The following ABCC9 variants were observed in gnomAD, a reference collection of about 807,000 sequenced individuals.
The protein encoded by ABCC9 is ATP binding cassette subfamily C member 9, also known as ATP-binding cassette sub-family C member 9.
A neutral mutation model predicts 188.3 loss-of-function variants in ABCC9; 95 were observed. The observed-to-expected ratio is 0.50, with a 90% CI of 0.43 to 0.60. ABCC9 has a LOEUF of 0.60. Ranked by LOEUF, ABCC9 falls within the 20% of genes least tolerant of loss-of-function variation. The probability of loss-of-function intolerance (pLI) is 0.00; values close to 1 mark genes in which losing one functional copy is unlikely to be tolerated. For synonymous variants in ABCC9, 659 were observed against 652.7 expected, an observed-to-expected ratio of 1.01 and a Z score of -0.15; for missense variants, 1,102 against 1,876.3, an observed-to-expected ratio of 0.59 and a Z score of 7.62.
Position 21,869,818 on chromosome 12 carries a change from A to G in ABCC9, c.2198+2807T>C, listed in dbSNP as rs1326557916. ...GACTTGTCTTGTCTTGTTCAATTCT[A>G]TATCCTTGATACCTAAATCAGTGTT... On this transcript the variant is annotated intron_variant, in intron 18 of 39. Transcript: ENST00000261200. Among the ~76,000 whole-genome samples, 6 of 152,314 alleles carry G rather than the reference A, an allele frequency of 3.9e-5. No homozygotes were observed. In the South Asian group the frequency reaches 1.0e-3, roughly 26 times the overall value.
chr12:21,916,510 AG>A lies in ABCC9; in HGVS notation c.573+426del, dbSNP rs530807407. 5.0e-4 allele frequency among the ~76,000 whole-genome samples: 76 copies of A among 152,322 alleles called. No individual in the cohort carries two copies. In the East Asian group the frequency reaches 0.01, roughly 20 times the overall value. The stretch of plus-strand genomic sequence containing the variant: ...CATATTACTTTGGATATATAGCCAA[AG>A]CTATCTCTACATGTTTCTTCATCAG... On this transcript the variant is annotated intron_variant, in intron 6 of 39. Coordinates refer to ENST00000261200, the MANE Select transcript of ABCC9 (RefSeq NM_020297.4).
intron 21 of ABCC9, among the ~76,000 whole-genome samples, chr12:21,859,918 A>G (rs1031583540): frequency 6.6e-5 from 10 of 152,180 alleles, no homozygotes; most frequent in African/African-American, 2.2e-4. Context: ...GCTGTACAGA[A>G]GCATTAATAA....
intron 23 of ABCC9, 33 bp downstream of exon 23, chr12:21,852,335 A>C (rs764524937): frequency 6.2e-7 from 1 of 1,613,558 alleles, no homozygotes; most frequent in Non-Finnish European, 8.5e-7. Context: ...ACTATAATAT[A>C]AAAATGAGCA....
chr12:21,838,607 T>C (rs778073944), intron 29 of ABCC9, among the ~76,000 whole-genome samples: 19 of 152,120 alleles, frequency 1.2e-4, no homozygotes, highest in Non-Finnish European at 2.6e-4. Context: ...GCAAGTTCAA[T>C]CTGTCTGGTG....
chr12:21,898,007 A>G lies in ABCC9; in HGVS notation c.1619-2692T>C, dbSNP rs375039645. 1.7e-3 allele frequency among the ~76,000 whole-genome samples: 253 copies of G among 152,298 alleles called. 3 individuals carry two copies. In the South Asian group the frequency reaches 0.033, roughly 20 times the overall value. On this transcript the variant is annotated intron_variant, in intron 12 of 39. Coordinates refer to ENST00000261200, the MANE Select transcript of ABCC9 (RefSeq NM_020297.4). ...ATCTTTTAATTCTAAAGTGGAGTTAATAATAAAATCTAGGCCAGGCATTGT... is the reference window on the plus strand; with the variant it reads ...ATCTTTTAATTCTAAAGTGGAGTTAGTAATAAAATCTAGGCCAGGCATTGT...
intron 12 of ABCC9, among the ~76,000 whole-genome samples, chr12:21,900,972 C>T (rs1470916088): frequency 2.0e-5 from 3 of 151,998 alleles, no homozygotes; most frequent in African/African-American, 7.2e-5. Flanking sequence ...AGATAATCCT[C>T]GAGAAGAGCA....
chr12:21,867,453 T>C (rs564661402), intron 18 of ABCC9, among the ~76,000 whole-genome samples: 42 of 152,316 alleles, frequency 2.8e-4, no homozygotes, highest in African/African-American at 9.9e-4. Flanking sequence ...AGAATTTGTG[T>C]GTATTTTCCT....
chr12:21,827,011 T>C, intron 31 of ABCC9: 1 of 522,210 alleles, frequency 1.9e-6, no homozygotes, highest in Non-Finnish European at 2.5e-6. Flanking sequence ...TGGCCTGTTC[T>C]GCCCTTCCTG....
chr12:21,814,476 C>A (rs1232743602), intron 35 of ABCC9, among the ~76,000 whole-genome samples, 168 bp downstream of exon 35: 1 of 152,122 alleles, frequency 6.6e-6, no homozygotes, highest in Non-Finnish European at 1.5e-5. Context: ...AATTCTATGT[C>A]TTTTATTTAC....
intron 25 of ABCC9, among the ~76,000 whole-genome samples, chr12:21,847,235 A>G (rs1944720259): frequency 6.6e-6 from 1 of 152,188 alleles, no homozygotes; most frequent in Non-Finnish European, 1.5e-5. Flanking sequence ...ATAATTGGGT[A>G]CAACTCCACT....
chr12:21,857,691 TAGTC>T (rs1452246906), intron 22 of ABCC9, among the ~76,000 whole-genome samples: 20 of 152,100 alleles, frequency 1.3e-4, no homozygotes, highest in African/African-American at 4.6e-4. Flanking sequence ...TATGTAAAAA[TAGTC>T]AGAGAGACAT....
Position 21,801,221 on chromosome 12 carries a change from AG to A in ABCC9, c.4513-41del, listed in dbSNP as rs756748926. 4.5e-5 allele frequency: 73 copies of A among 1,612,198 alleles called. No individual in the cohort carries two copies. In the Admixed American group the frequency reaches 1.2e-3, roughly 27 times the overall value. ...AAAACATGTATTTGTTACACATTTC[AG>A]GGCACACGCCAAAACAATGGAATAT... On this transcript the variant is annotated intron_variant, in intron 39 of 39. Coordinates refer to ENST00000261200, the MANE Select transcript of ABCC9 (RefSeq NM_020297.4).
intron 31 of ABCC9, among the ~76,000 whole-genome samples, chr12:21,820,667 G>C (rs1158916992): frequency 2.6e-5 from 4 of 151,806 alleles, no homozygotes; most frequent in Non-Finnish European, 5.9e-5. Flanking sequence ...TCCTATTCTT[G>C]GGAATACATC....
rs997660720 is a variant in ABCC9 at position 21,860,987 on chromosome 12, G to A, written c.2408C>T (p.Thr803Ile). 4 of 1,613,154 alleles carry A rather than the reference G, an allele frequency of 2.5e-6. No homozygotes were observed. The highest frequency in any genetic ancestry group is 3.4e-6 in the Non-Finnish European group (4 of 1,179,446). ...DIDLLPFGDQTEIGERGINLS... is the reference protein window; with the variant it reads ...DIDLLPFGDQIEIGERGINLS... ...ATAGCTCACCCTCTCTCCAATTTCA[G>A]TTTGATCTCCAAATGGTAATAAGTC... The change falls in exon 21 of 40, where the codon ACT (threonine) becomes ATT (isoleucine). Residue 803 changes from threonine to isoleucine, a missense_variant. By Grantham distance (89) the Thr-to-Ile change is moderately conservative. Coordinates refer to ENST00000261200, the MANE Select transcript of ABCC9 (RefSeq NM_020297.4).
intron 4 of ABCC9, 123 bp downstream of exon 4, chr12:21,933,659 C>T: frequency 9.2e-7 from 1 of 1,091,798 alleles, no homozygotes; most frequent in Non-Finnish European, 1.4e-6. Context: ...GCAAGAGCTA[C>T]ATGGATCAGA....
intron 16 of ABCC9, among the ~76,000 whole-genome samples, chr12:21,876,360 C>T (rs1320770357): frequency 6.6e-6 from 1 of 152,130 alleles, no homozygotes; most frequent in Non-Finnish European, 1.5e-5. Flanking sequence ...TTCCCCAAAT[C>T]CTAGTGATTA....
intron 2 of ABCC9, 126 bp from the exon 3 acceptor site, chr12:21,936,820 A>G: frequency 1.5e-6 from 1 of 680,062 alleles, no homozygotes; most frequent in Middle Eastern, 4.2e-4. Flanking sequence ...TAGCTGAGGA[A>G]ATAAGAAACT....
At chr12:21,866,915 A>T (rs1945809570) in intron 18 of ABCC9, among the ~76,000 whole-genome samples, 1 of 152,172 alleles carries the variant, frequency 6.6e-6, no homozygotes, top group Non-Finnish European at 1.5e-5. Context: ...ACCATTATTT[A>T]AAAAATGGGT....
intron 26 of ABCC9, among the ~76,000 whole-genome samples, chr12:21,845,221 A>C (rs1944587215): frequency 6.6e-6 from 1 of 152,100 alleles, no homozygotes; most frequent in Admixed American, 6.6e-5. Context: ...CACTTTTCTC[A>C]TTCCTAGTCT....
Sources: allele counts gnomAD v4.1 joint callset (sites outside exome capture counted in the v4.1 genomes callset), GRCh38; gene constraint gnomAD v4.1.1; transcripts MANE v1.5; gene names NCBI Gene and HGNC (gene_info 2026-07-23, HGNC 2026-07-21).